Variants in KRAS observed in about 807,000 individuals in gnomAD.
The protein encoded by KRAS is KRas proto-oncogene, GTPase, also known as GTPase KRas.
Under a neutral mutation model 21.0 loss-of-function variants are expected in KRAS, and 1 was observed. That is an observed-to-expected ratio of 0.05 (90% CI 0.02 to 0.23). The LOEUF (loss-of-function observed/expected upper bound fraction) is 0.23, where lower values mean the gene tolerates loss of function less well. Ranked by LOEUF, KRAS falls within the 10% of genes least tolerant of loss-of-function variation. The pLI is 1.00. For synonymous variants in KRAS, 67 were observed against 72.5 expected (o/e 0.92, Z 0.39); for missense variants, 107 against 221.8 (o/e 0.48, Z 3.29).
intron 1 of KRAS, among the ~76,000 whole-genome samples, chr12:25,246,874 G>C (rs1163983045): frequency 6.6e-6 from 1 of 150,554 alleles, no homozygotes; most frequent in Middle Eastern, 3.4e-3. Context: ...CCGAGATCAC[G>C]CCACTGCACT....
Position 25,206,793 on chromosome 12 carries a change from A to G in KRAS, c.*3002T>C, listed in dbSNP as rs1448324243. Reference sequence around the variant, plus strand: ...GCACCTGTTTATTTGTACCCAGATAAAACTATTAATTTTTAAGTATATTTT... The same window carrying G: ...GCACCTGTTTATTTGTACCCAGATAGAACTATTAATTTTTAAGTATATTTT... On this transcript the variant is annotated 3_prime_UTR_variant, in exon 5 of 5. Transcript: ENST00000311936. 1 of 196,496 alleles carries G rather than the reference A, an allele frequency of 5.1e-6. No homozygotes were observed. Among genetic ancestry groups the G allele is most frequent in the Non-Finnish European group, 1.1e-5 (1 of 94,780 alleles). The allele number at this position is 196,496 out of a possible 1,614,324, so 12.2% of individuals were successfully genotyped here.
At chr12:25,218,993 G>A (rs892237753) in intron 4 of KRAS, among the ~76,000 whole-genome samples, 8 of 149,080 alleles carry the variant, frequency 5.4e-5, no homozygotes, top group African/African-American at 2.0e-4. Flanking sequence ...AGGCTGGACT[G>A]CAGTGGTGCA....
At chr12:25,248,777 C>T (rs61925871) in intron 1 of KRAS, among the ~76,000 whole-genome samples, 209 of 151,896 alleles carry the variant, frequency 1.4e-3, no homozygotes, top group Non-Finnish European at 2.5e-3. Flanking sequence ...TCGAATCCAA[C>T]AATTTTGTAA....
At chr12:25,232,991 T>C (rs572979253) in intron 2 of KRAS, among the ~76,000 whole-genome samples, 1 of 152,302 alleles carries the variant, frequency 6.6e-6, no homozygotes, top group South Asian at 2.1e-4. Flanking sequence ...ATGACAGTTA[T>C]AAAGAGATTC....
chr12:25,211,148 T>G (rs1296849907), intron 4 of KRAS: 1 of 152,160 alleles, frequency 6.6e-6, no homozygotes, highest in African/African-American at 2.4e-5. Context: ...ATCAAGCCAC[T>G]TTAGGAACAA....
chr12:25,245,744 A>G (rs1285543191), intron 1 of KRAS, among the ~76,000 whole-genome samples: 1 of 152,058 alleles, frequency 6.6e-6, no homozygotes, highest in Non-Finnish European at 1.5e-5. Context: ...GACTTCACTC[A>G]TGTAGAGACT....
At chr12:25,221,512 C>G (rs557012498) in intron 4 of KRAS, among the ~76,000 whole-genome samples, 11 of 152,116 alleles carry the variant, frequency 7.2e-5, no homozygotes, top group African/African-American at 2.2e-4. Flanking sequence ...TCTGGGATTA[C>G]AGGCATGAGC....
chr12:25,231,863 A>G (rs901931803), intron 2 of KRAS, among the ~76,000 whole-genome samples: 1 of 152,236 alleles, frequency 6.6e-6, no homozygotes, highest in Non-Finnish European at 1.5e-5. Flanking sequence ...TAAATGAAAT[A>G]CGATCTAAAA....
chr12:25,230,846 A>G (rs1283981203), intron 2 of KRAS, among the ~76,000 whole-genome samples: 3 of 152,192 alleles, frequency 2.0e-5, no homozygotes, highest in African/African-American at 7.2e-5. Context: ...TATTTTCTAA[A>G]TAAGAGGCTC....
At position 25,239,974 on chromosome 12, in the gene KRAS, T is replaced by C. The variant is rs1321702363; in HGVS notation, c.111+5300A>G. 3.3e-5 allele frequency among the ~76,000 whole-genome samples: 5 copies of C among 151,902 alleles called. No homozygotes were observed. The South Asian group carries it at 6.2e-4, about 19-fold the overall frequency. On this transcript the variant is annotated intron_variant, in intron 2 of 4. Transcript: ENST00000311936. ...TCTCAAAAACAAAAAAAAAAATTAA[T>C]AGAAATAGTGAAAATAAAATATTTG...
intron 4 of KRAS, among the ~76,000 whole-genome samples, chr12:25,218,877 T>C (rs947130656): frequency 3.9e-5 from 6 of 152,272 alleles, no homozygotes; most frequent in Non-Finnish European, 5.9e-5. Flanking sequence ...TTTTTGAGAA[T>C]AGGACTTGTT....
At chr12:25,225,831 C>T (rs1273090437) in intron 3 of KRAS, 58 bp from the exon 4 acceptor site, 3 of 1,508,672 alleles carry the variant, frequency 2.0e-6, no homozygotes, top group Admixed American at 3.4e-5. Context: ...TCTTTCAAAA[C>T]CTGTCCACAA....
chr12:25,210,028 G>C, intron 4 of KRAS, 117 bp from the exon 5 acceptor site: 1 of 715,202 alleles, frequency 1.4e-6, no homozygotes, highest in Non-Finnish European at 2.3e-6. Context: ...TTCTCTTCAG[G>C]CAACTGAATA....
At chr12:25,235,303 A>G in intron 2 of KRAS, 1 of 482,988 alleles carries the variant, frequency 2.1e-6, no homozygotes, top group Non-Finnish European at 3.9e-6. Flanking sequence ...GGTTATTTAA[A>G]TTCACTGTAG....
intron 2 of KRAS, among the ~76,000 whole-genome samples, chr12:25,235,889 T>C (rs1951538648): frequency 6.6e-6 from 1 of 152,142 alleles, no homozygotes; most frequent in African/African-American, 2.4e-5. Flanking sequence ...CATCAAGCAT[T>C]AGTTAGATTC....
intron 2 of KRAS, 132 bp downstream of exon 2, chr12:25,245,137 CCAAGG>C: frequency 1.0e-6 from 1 of 960,250 alleles, no homozygotes; most frequent in Non-Finnish European, 1.6e-6. Flanking sequence ...AACTTGAAAC[CCAAGG>C]TACATTTCAG....
In KRAS at chr12:25,219,822, T is replaced by C. The variant is rs573102234; in HGVS notation, c.450+5792A>G. Among the ~76,000 whole-genome samples the C allele has an allele frequency of 6.6e-5, 10 of 152,334 alleles. No individual in the cohort carries two copies. The South Asian group carries it at 1.5e-3, about 22-fold the overall frequency. ...TCATAAAAAGCTATAGTTCAAAATATTGATCTCATGTACACAAACTCAACT... is the reference window on the plus strand; with the variant it reads ...TCATAAAAAGCTATAGTTCAAAATACTGATCTCATGTACACAAACTCAACT... On this transcript the variant is annotated intron_variant, in intron 4 of 4. Coordinates refer to ENST00000311936, the MANE Select transcript of KRAS (RefSeq NM_004985.5).
At chr12:25,214,555 T>C (rs780113749) in intron 4 of KRAS, among the ~76,000 whole-genome samples, 24 of 151,802 alleles carry the variant, frequency 1.6e-4, no homozygotes, top group Non-Finnish European at 3.2e-4. Context: ...GCCCGGCTAA[T>C]TTTTTGTATT....
At chr12:25,223,230 A>C (rs1951350213) in intron 4 of KRAS, among the ~76,000 whole-genome samples, 1 of 152,306 alleles carries the variant, frequency 6.6e-6, no homozygotes, top group Admixed American at 6.5e-5. Flanking sequence ...AGCAAATATA[A>C]AACAACAATG....
Sources: allele counts gnomAD v4.1 joint callset (sites outside exome capture counted in the v4.1 genomes callset), GRCh38; gene constraint gnomAD v4.1.1; transcripts MANE v1.5; gene names NCBI Gene and HGNC (gene_info 2026-07-23, HGNC 2026-07-21).